NUP50: variants seen among roughly 807,000 people sequenced by gnomAD.
NUP50 encodes nucleoporin 50, also known as nuclear pore complex protein Nup50.
A neutral mutation model predicts 36.8 loss-of-function variants in NUP50; 14 were observed. The observed-to-expected ratio is 0.38, with a 90% CI of 0.25 to 0.59. The LOEUF is 0.59. NUP50 is among the 20% of genes least tolerant of loss of function. The probability of loss-of-function intolerance (pLI) is 0.63; values close to 1 mark genes in which losing one functional copy is unlikely to be tolerated. For missense variants in NUP50, 455 were observed against 564.6 expected (o/e 0.81, Z 1.97); for synonymous variants, 195 against 210.8 (o/e 0.93, Z 0.65).
chr22:45,171,758 G>T, intron 3 of NUP50, 75 bp downstream of exon 3: 5 of 1,118,060 alleles, frequency 4.5e-6, no homozygotes, highest in Admixed American at 1.7e-5. Flanking sequence ...CCTCCGCTGG[G>T]AGCAATGATA....
At chr22:45,169,601 T>C (rs568865820) in intron 2 of NUP50, among the ~76,000 whole-genome samples, 3 of 152,348 alleles carry the variant, frequency 2.0e-5, no homozygotes, top group African/African-American at 7.2e-5. Flanking sequence ...GTACTACTAA[T>C]ATAACCAAGG....
At chr22:45,180,260 G>A (rs1161895750) in intron 5 of NUP50, 1 of 152,212 alleles carries the variant, frequency 6.6e-6, no homozygotes, top group Admixed American at 6.5e-5. Context: ...GGGATAAGAC[G>A]GACAGTCGTG....
intron 3 of NUP50, among the ~76,000 whole-genome samples, chr22:45,172,963 G>C (rs2074219926): frequency 6.6e-6 from 1 of 152,188 alleles, no homozygotes; most frequent in African/African-American, 2.4e-5. Flanking sequence ...ATTCTCAGGT[G>C]GTTCTGGGTA....
At chr22:45,166,278 TTTTTC>T (rs1270632875) in intron 1 of NUP50, 4 of 109,226 alleles carry the variant, frequency 3.7e-5, no homozygotes, top group African/African-American at 1.2e-4. Flanking sequence ...TTTTTTTTTC[TTTTTC>T]TTTTTTTTTT....
chr22:45,165,556 G>T (rs982102325), intron 1 of NUP50, among the ~76,000 whole-genome samples: 4 of 152,158 alleles, frequency 2.6e-5, no homozygotes, highest in Non-Finnish European at 5.9e-5. Flanking sequence ...GCCTTGTTCT[G>T]AATATTTTAC....
At chr22:45,177,546 C>G (rs1264235921) in intron 4 of NUP50, among the ~76,000 whole-genome samples, 1 of 152,152 alleles carries the variant, frequency 6.6e-6, no homozygotes, top group Non-Finnish European at 1.5e-5. Context: ...TAATACTGTT[C>G]ATCCCAACAA....
In NUP50 at chr22:45,178,433, C is replaced by A. The variant is rs753453236; in HGVS notation, c.536C>A (p.Pro179His). The stretch of plus-strand genomic sequence containing the variant: ...ATAGTGAAGCACGTGAATACAAACC[C>A]CCTCTGTGATCTGACACCTATCTTT... ...DWIVKHVNTN[P>H]LCDLTPIFKD... The change falls in exon 5 of 8, where the codon CCC becomes CAC. Residue 179 changes from proline to histidine, a missense_variant. By Grantham distance (77) the Pro-to-His change is moderately conservative. This residue lies in a region of NUP50 where 287 missense variants were observed against 345.5 expected (regional missense o/e 0.83). Transcript: ENST00000347635. 2 of 1,613,536 alleles carry A rather than the reference C, an allele frequency of 1.2e-6. No homozygotes were observed.
chr22:45,168,537 G>A (rs1295241809), intron 2 of NUP50, among the ~76,000 whole-genome samples: 4 of 152,144 alleles, frequency 2.6e-5, no homozygotes, highest in East Asian at 3.9e-4. Flanking sequence ...CCTGAGTTTC[G>A]TATACTTGAA....
intron 6 of NUP50, among the ~76,000 whole-genome samples, chr22:45,182,004 C>A (rs1368536015): frequency 6.6e-6 from 1 of 152,192 alleles, no homozygotes; most frequent in Non-Finnish European, 1.5e-5. Flanking sequence ...TTTCCATGAA[C>A]AGGTCACCAC....
intron 1 of NUP50, among the ~76,000 whole-genome samples, chr22:45,166,959 G>T (rs183640099): frequency 1.6e-4 from 25 of 152,214 alleles, no homozygotes; most frequent in Admixed American, 1.5e-3. Flanking sequence ...CTGACAGCCC[G>T]TATGTAATTA....
intron 3 of NUP50, among the ~76,000 whole-genome samples, chr22:45,173,837 A>G (rs2074235363): frequency 6.6e-6 from 1 of 152,232 alleles, no homozygotes; most frequent in Non-Finnish European, 1.5e-5. Context: ...GCCCTTGGGC[A>G]ACTAAGGGAA....
At chr22:45,182,920 G>A (rs1022958929) in intron 6 of NUP50, among the ~76,000 whole-genome samples, 3 of 151,812 alleles carry the variant, frequency 2.0e-5, no homozygotes, top group African/African-American at 7.3e-5. Flanking sequence ...ACCGCACCTG[G>A]TCGAGGAGAA....
chr22:45,164,201 C>G lies in NUP50; in HGVS notation c.-106C>G, dbSNP rs569497395. ...ACCGGAAGCGGCCGAGCGCGCTCAG[C>G]CCGGCGACCCCTGCGGGCTCCAGAC... On this transcript the variant is annotated 5_prime_UTR_variant, in exon 1 of 8. Coordinates refer to ENST00000347635, the MANE Select transcript of NUP50 (RefSeq NM_007172.4). The G allele has an allele frequency of 8.5e-5, 13 of 152,396 alleles. No homozygotes were observed. The highest frequency in any genetic ancestry group is 3.1e-4 in the African/African-American group (13 of 41,584). 9.4% of individuals were successfully genotyped at this position (152,396 alleles called of 1,614,324 possible).
intron 2 of NUP50, among the ~76,000 whole-genome samples, chr22:45,169,832 C>T (rs186125287): frequency 6.6e-6 from 1 of 152,196 alleles, no homozygotes; most frequent in Non-Finnish European, 1.5e-5. Context: ...TGCTCCACCA[C>T]CTTCTTGTGG....
intron 6 of NUP50, among the ~76,000 whole-genome samples, chr22:45,181,707 A>G (rs1307761329): frequency 2.0e-5 from 3 of 151,862 alleles, no homozygotes; most frequent in Non-Finnish European, 2.9e-5. Flanking sequence ...CTCCTCCCCA[A>G]CAAAGAAATC....
chr22:45,172,630 G>T (rs132883), intron 3 of NUP50, among the ~76,000 whole-genome samples: 31,030 of 152,108 alleles, frequency 0.2, 3,738 homozygotes, highest in East Asian at 0.57. Flanking sequence ...TAGGAAAGGT[G>T]TATCATTCAC....
intron 2 of NUP50, chr22:45,170,969 T>C (rs1300997284): frequency 3.1e-6 from 4 of 1,303,276 alleles, no homozygotes; most frequent in Non-Finnish European, 4.0e-6. Flanking sequence ...ATGAGAAATA[T>C]TTTATTCCGA....
chr22:45,171,105 G>A lies in NUP50; in HGVS notation c.70-495G>A. On this transcript the variant is annotated intron_variant, in intron 2 of 7. Transcript: ENST00000347635. ...ACTGTGGAAGAGCAGTGGTTGTCCA[G>A]CAAGGTCCTAGGTGCCTCCGTGGCC... 4 of 1,292,276 alleles carry A rather than the reference G, an allele frequency of 3.1e-6. No individual in the cohort carries two copies. The South Asian group carries it at 5.1e-5, about 16-fold the overall frequency. 80.1% of individuals were successfully genotyped at this position (1,292,276 alleles called of 1,614,324 possible). A position where few individuals can be genotyped will look rare whatever the true frequency, so the allele number is the denominator to read the frequency against.
chr22:45,185,347 TAC>T lies in NUP50; in HGVS notation c.*693_*694del, dbSNP rs1453376019. 6.5e-6 allele frequency: 1 copy of T among 152,796 alleles called. No homozygotes were observed. Among genetic ancestry groups the T allele is most frequent in the African/African-American group, 2.4e-5 (1 of 41,420 alleles). The allele number at this position is 152,796 out of a possible 1,614,324, so 9.5% of individuals were successfully genotyped here. On this transcript the variant is annotated 3_prime_UTR_variant, in exon 8 of 8. Coordinates refer to ENST00000347635, the MANE Select transcript of NUP50 (RefSeq NM_007172.4). ...ATAGTTTCTATTCATGAGGTAGTGT[TAC>T]TTCTTTATCCCCCTAAAGACAAAAT...
Sources: gnomAD v4.1 joint callset for allele counts (sites outside exome capture counted in the v4.1 genomes callset) on GRCh38, gnomAD v4.1.1 for gene constraint, gnomAD v4.1.1 regional missense constraint, MANE v1.5 for transcripts, NCBI Gene and HGNC (gene_info 2026-07-23, HGNC 2026-07-21) for gene names.